Variants in USH2A observed in about 807,000 individuals in gnomAD.
The protein encoded by USH2A is usherin.
Under a neutral mutation model 538.9 loss-of-function variants are expected in USH2A, and 443 were observed. The observed-to-expected ratio is 0.82, with a 90% confidence interval of 0.76 to 0.89. The LOEUF is 0.89. Ranked by LOEUF, USH2A falls within the 40% of genes least tolerant of loss-of-function variation. USH2A has a pLI of 0.00. For missense variants in USH2A, 6,633 were observed against 6,324.8 expected (o/e 1.05, Z -1.65); for synonymous variants, 2,413 against 2,273.5 (o/e 1.06, Z -1.75).
chr1:215,810,776 C>G (rs990131750), intron 49 of USH2A, among the ~76,000 whole-genome samples: 1 of 152,082 alleles, frequency 6.6e-6, no homozygotes, highest in Non-Finnish European at 1.5e-5. Flanking sequence ...ACATCGTGAG[C>G]TGTAGTATGA....
At chr1:215,695,761 GTTTGTTTT>G in intron 61 of USH2A, among the ~76,000 whole-genome samples, 1 of 152,144 alleles carries the variant, frequency 6.6e-6, no homozygotes, top group East Asian at 1.9e-4. Flanking sequence ...TTGTTTGTTT[GTTTGTTTT>G]TTGAGACAGA....
chr1:216,353,999 A>C (rs914221634), intron 4 of USH2A, among the ~76,000 whole-genome samples: 2 of 152,178 alleles, frequency 1.3e-5, no homozygotes, highest in African/African-American at 4.8e-5. Context: ...GGATTCAGGC[A>C]TAGAAGGAGT....
At chr1:215,796,579 C>G (rs985423567) in intron 50 of USH2A, among the ~76,000 whole-genome samples, 1 of 152,078 alleles carries the variant, frequency 6.6e-6, no homozygotes, top group Non-Finnish European at 1.5e-5. Context: ...ACAGACCAGC[C>G]GTTCCTTTAT....
intron 63 of USH2A, 96 bp from the exon 64 acceptor site, chr1:215,671,389 C>G: frequency 8.0e-7 from 1 of 1,252,786 alleles, no homozygotes; most frequent in Non-Finnish European, 1.1e-6. Context: ...AAAAGACAAG[C>G]TTACATGTAT....
At chr1:216,121,290 A>G in intron 21 of USH2A, among the ~76,000 whole-genome samples, 1 of 152,234 alleles carries the variant, frequency 6.6e-6, no homozygotes, top group Non-Finnish European at 1.5e-5. Context: ...ACTTTCCTTC[A>G]GTAATGATAA....
At chr1:216,231,800 G>T (rs991261584) in intron 14 of USH2A, among the ~76,000 whole-genome samples, 153 bp downstream of exon 14, 1 of 152,064 alleles carries the variant, frequency 6.6e-6, no homozygotes, top group Admixed American at 6.6e-5. Flanking sequence ...TGATCCGCCT[G>T]CCTTGGTCTC....
chr1:216,046,137 A>G (rs2030511112), intron 32 of USH2A, among the ~76,000 whole-genome samples: 1 of 150,986 alleles, frequency 6.6e-6, no homozygotes, highest in Non-Finnish European at 1.5e-5. Flanking sequence ...CCCTGTTACA[A>G]TGTGGTGTAT....
intron 38 of USH2A, among the ~76,000 whole-genome samples, chr1:215,914,274 C>A (rs868392573): frequency 3.3e-5 from 5 of 151,756 alleles, no homozygotes; most frequent in Middle Eastern, 6.8e-3. Flanking sequence ...TCATGAGTTA[C>A]CAATCAATAC....
At chr1:216,064,400 C>T (rs1292611926) in intron 30 of USH2A, among the ~76,000 whole-genome samples, 1 of 151,962 alleles carries the variant, frequency 6.6e-6, no homozygotes, top group East Asian at 1.9e-4. Context: ...AGGGGAAAAC[C>T]TTTGGGATGT....
chr1:215,669,252 G>A (rs1301135694), intron 64 of USH2A, among the ~76,000 whole-genome samples: 3 of 152,092 alleles, frequency 2.0e-5, no homozygotes, highest in African/African-American at 7.2e-5. Context: ...TTGTAAGGGA[G>A]ACTAGATAAC....
chr1:215,779,962 T>C lies in USH2A; in HGVS notation c.10820A>G (p.His3607Arg). Residue 3607 changes from histidine (H) to arginine (R), a missense_variant, in exon 55 of 72, where the codon CAT becomes CGT. Physicochemically the swap from His to Arg is conservative, Grantham distance 29. Coordinates refer to ENST00000307340, the MANE Select transcript of USH2A (RefSeq NM_206933.4). The stretch of plus-strand genomic sequence containing the variant: ...TTTCTCAGGGACACTCCAGCTCAGA[T>C]GCAGAGCCACTGCACTTAGGGCTGT... Reference protein sequence around the residue: ...SITALSAVALHLSWSVPEKSN... With the variant: ...SITALSAVALRLSWSVPEKSN... The C allele has an allele frequency of 6.2e-7, 1 of 1,614,174 alleles. No individual in the cohort carries two copies. Among genetic ancestry groups the C allele is most frequent in the South Asian group, 1.1e-5 (1 of 91,090 alleles).
intron 22 of USH2A, among the ~76,000 whole-genome samples, chr1:216,092,970 A>AT (rs200547548): frequency 0.042 from 6,109 of 146,220 alleles, 414 homozygotes; most frequent in African/African-American, 0.14. Flanking sequence ...GGCTTTAACA[A>AT]TTTTTTTTTT....
intron 61 of USH2A, among the ~76,000 whole-genome samples, chr1:215,718,757 T>G (rs1659567598): frequency 6.6e-6 from 1 of 152,238 alleles, no homozygotes; most frequent in South Asian, 2.1e-4. Context: ...GCAGCCATCT[T>G]GTCTCAGGTA....
At chr1:216,023,459 C>CAAAAAAAAAAAAAAAAAAAAA in intron 32 of USH2A, among the ~76,000 whole-genome samples, 44 of 46,932 alleles carry the variant, frequency 9.4e-4, no homozygotes, top group South Asian at 1.4e-3. Flanking sequence ...TCAAAGCAGA[C>CAAAAAAAAAAAAAAAAAAAAA]AAAAAAAAAA....
chr1:216,024,281 G>A (rs1668912324), intron 32 of USH2A, among the ~76,000 whole-genome samples: 1 of 152,032 alleles, frequency 6.6e-6, no homozygotes, highest in Admixed American at 6.6e-5. Flanking sequence ...TTAGGCCTCA[G>A]TTTTCTCATT....
intron 3 of USH2A, among the ~76,000 whole-genome samples, chr1:216,415,004 G>A (rs1041596276): frequency 2.6e-5 from 4 of 152,004 alleles, no homozygotes; most frequent in Admixed American, 2.0e-4. Flanking sequence ...CAATGGAATA[G>A]TAACAATCTA....
chr1:215,782,595 T>C (rs6665799), intron 53 of USH2A, 143 bp downstream of exon 53: 20 of 895,458 alleles, frequency 2.2e-5, no homozygotes, highest in Admixed American at 1.3e-4. Context: ...TGATTAGTTG[T>C]CACATAATTA....
At chr1:216,338,384 A>T (rs2038015046) in intron 4 of USH2A, among the ~76,000 whole-genome samples, 1 of 151,580 alleles carries the variant, frequency 6.6e-6, no homozygotes, top group Non-Finnish European at 1.5e-5. Flanking sequence ...GTTCAATAAA[A>T]ATCAGTGGGA....
intron 13 of USH2A, among the ~76,000 whole-genome samples, chr1:216,234,594 C>G (rs892647367): frequency 1.6e-4 from 24 of 151,908 alleles, no homozygotes; most frequent in African/African-American, 5.8e-4. Context: ...GTATCTAGGC[C>G]CTTAAATCCA....
Sources: allele counts gnomAD v4.1 joint callset (sites outside exome capture counted in the v4.1 genomes callset), GRCh38; gene constraint gnomAD v4.1.1; transcripts MANE v1.5; gene names NCBI Gene and HGNC (gene_info 2026-07-23, HGNC 2026-07-21).